ATP5F1C: variants seen among roughly 807,000 people sequenced by gnomAD.
ATP5F1C encodes the protein ATP synthase F(1) complex subunit gamma, mitochondrial.
Under a neutral mutation model 37.4 loss-of-function variants are expected in ATP5F1C, and 22 were observed. The ratio of observed to expected loss-of-function variants is 0.59; its 90% CI spans 0.42 to 0.84. ATP5F1C has a LOEUF of 0.84. ATP5F1C is among the 40% of genes least tolerant of loss of function. ATP5F1C has a pLI of 0.00. For synonymous variants in ATP5F1C, 121 were observed against 128.0 expected, an observed-to-expected ratio of 0.95 and a Z score of 0.37; for missense variants, 286 against 362.4, an observed-to-expected ratio of 0.79 and a Z score of 1.71.
At chr10:7,799,713 G>C (rs921281596) in intron 4 of ATP5F1C, 59 bp from the exon 5 acceptor site, 2 of 1,592,230 alleles carry the variant, frequency 1.3e-6, no homozygotes, top group Admixed American at 3.5e-5. Context: ...CCTGTCCCCT[G>C]TGCTCTTTCA....
Position 7,807,741 on chromosome 10 carries a change from GA to G in ATP5F1C, c.*115del. ...CGAAGAAACTGTTCCTCCATTATTTGAATTACTGAAGACAGCAAGATATTTG... is the reference window on the plus strand; with the variant it reads ...CGAAGAAACTGTTCCTCCATTATTTGATTACTGAAGACAGCAAGATATTTG... On this transcript the variant is annotated 3_prime_UTR_variant, in exon 10 of 10. Coordinates refer to ENST00000356708, the MANE Select transcript of ATP5F1C (RefSeq NM_001001973.3). 2 of 1,468,170 alleles carry G rather than the reference GA, an allele frequency of 1.4e-6. No individual in the cohort carries two copies. Among genetic ancestry groups the G allele is most frequent in the Admixed American group, 3.8e-5 (2 of 52,314 alleles). 90.9% of individuals were successfully genotyped at this position (1,468,170 alleles called of 1,614,324 possible).
At position 7,807,698 on chromosome 10, in the gene ATP5F1C, C is replaced by T; in HGVS notation, c.*70C>T. On this transcript the variant is annotated 3_prime_UTR_variant, in exon 10 of 10. Coordinates refer to ENST00000356708, the MANE Select transcript of ATP5F1C (RefSeq NM_001001973.3). The stretch of plus-strand genomic sequence containing the variant: ...TTCAGCCAGTTGATTTTGTTTTTAG[C>T]TTACTGCTGCCTTTGTCCGAAGAAA... 1.2e-6 allele frequency: 2 copies of T among 1,603,900 alleles called. No individual in the cohort carries two copies. The highest frequency in any genetic ancestry group is 1.7e-6 in the Non-Finnish European group (2 of 1,173,904).
At chr10:7,790,333 G>T (rs1836143149) in intron 1 of ATP5F1C, among the ~76,000 whole-genome samples, 1 of 152,112 alleles carries the variant, frequency 6.6e-6, no homozygotes, top group Non-Finnish European at 1.5e-5. Context: ...ATTCACAGTG[G>T]TTATTTTAAT....
In ATP5F1C at chr10:7,796,119, A is replaced by G; in HGVS notation, c.57-2A>G. 6.3e-7 allele frequency: 1 copy of G among 1,591,184 alleles called. No individual in the cohort carries two copies. Among genetic ancestry groups the G allele is most frequent in the South Asian group, 1.2e-5 (1 of 85,480 alleles). On this transcript the variant is annotated splice_acceptor_variant, in intron 1 of 9. Transcript: ENST00000356708. LOFTEE classifies it high-confidence loss of function. ...AAACATTTTTAAAACTTTTATCCTC[A>G]GGATTCAAGTTCGAAATATGGCAAC...
Position 7,802,437 on chromosome 10 carries a change from G to C in ATP5F1C, c.793+12G>C, listed in dbSNP as rs1836387372. The C allele has an allele frequency of 6.2e-7, 1 of 1,605,356 alleles. No individual in the cohort carries two copies. The highest frequency in any genetic ancestry group is 8.5e-7 in the Non-Finnish European group (1 of 1,176,494). ...CAGCAAGAATGCTTGTAAGTACACA[G>C]TATGGACAGTGCCAGCAGGAGTGCT... On this transcript the variant is annotated intron_variant, in intron 7 of 9. Transcript: ENST00000356708.
At chr10:7,795,560 A>G (rs1450565541) in intron 1 of ATP5F1C, among the ~76,000 whole-genome samples, 1 of 152,256 alleles carries the variant, frequency 6.6e-6, no homozygotes, top group Non-Finnish European at 1.5e-5. Flanking sequence ...TTTACAAGGT[A>G]ACAATATGTC....
intron 1 of ATP5F1C, among the ~76,000 whole-genome samples, chr10:7,789,196 C>CT (rs1365700513): frequency 6.6e-6 from 1 of 152,086 alleles, no homozygotes; most frequent in Admixed American, 6.5e-5. Flanking sequence ...AGACACGCTG[C>CT]TAAGGGGATT....
intron 8 of ATP5F1C, among the ~76,000 whole-genome samples, chr10:7,805,158 C>T (rs1340796630): frequency 6.6e-6 from 1 of 152,244 alleles, no homozygotes; most frequent in African/African-American, 2.4e-5. Flanking sequence ...TTAGGATACT[C>T]TCTCTGTTAC....
intron 4 of ATP5F1C, 138 bp downstream of exon 4, chr10:7,799,332 G>A (rs1836306163): frequency 2.8e-6 from 2 of 721,838 alleles, no homozygotes; most frequent in Non-Finnish European, 4.5e-6. Flanking sequence ...ATATTCACAA[G>A]GGGGTGTTTG....
intron 1 of ATP5F1C, among the ~76,000 whole-genome samples, chr10:7,790,522 G>GT (rs898652799): frequency 5.9e-5 from 9 of 152,302 alleles, no homozygotes; most frequent in African/African-American, 2.2e-4. Context: ...AAATGGAACT[G>GT]TTTTTTAATA....
intron 1 of ATP5F1C, among the ~76,000 whole-genome samples, chr10:7,789,628 C>T (rs1588494704): frequency 6.6e-6 from 1 of 152,308 alleles, no homozygotes; most frequent in East Asian, 1.9e-4. Context: ...GATAAGGTCT[C>T]AGTCAGTTTC....
Position 7,788,257 on chromosome 10 carries a change from C to A in ATP5F1C, c.50C>A (p.Pro17Gln). 4 of 1,613,412 alleles carry A rather than the reference C, an allele frequency of 2.5e-6. No homozygotes were observed. The highest frequency in any genetic ancestry group is 2.2e-5 in the East Asian group (1 of 44,860). The change falls in exon 1 of 10, where the codon CCG (proline) becomes CAG (glutamine). Residue 17 changes from proline (P) to glutamine (Q), a missense_variant. Physicochemically the swap from Pro to Gln is moderately conservative, Grantham distance 76. Transcript: ENST00000356708. ...VAGLSAWTLQ[P>Q]QWIQVRNMAT... ...GGGCTGTCGGCCTGGACCTTGCAGC[C>A]GCAATGGTATGGCAGCTTGCGGGAA... is the stretch of plus-strand genomic sequence containing the variant.
At chr10:7,802,967 C>T (rs1222383630) in intron 8 of ATP5F1C, 113 bp downstream of exon 8, 2 of 778,776 alleles carry the variant, frequency 2.6e-6, no homozygotes, top group Admixed American at 5.7e-5. Flanking sequence ...AAACTCATTG[C>T]TGAAACTTGC....
At chr10:7,792,965 C>G (rs1449584364) in intron 1 of ATP5F1C, among the ~76,000 whole-genome samples, 1 of 152,216 alleles carries the variant, frequency 6.6e-6, no homozygotes, top group Non-Finnish European at 1.5e-5. Flanking sequence ...GTTCCTTTTG[C>G]TCCACATCCT....
rs190269428 is a variant in ATP5F1C at position 7,797,308 on chromosome 10, C to G, written c.223+130C>G. The G allele has an allele frequency of 9.7e-5, 113 of 1,160,304 alleles. No individual in the cohort carries two copies. The East Asian group carries it at 2.8e-3, about 29-fold the overall frequency. The allele number at this position is 1,160,304 out of a possible 1,614,324, so 71.9% of individuals were successfully genotyped here. On this transcript the variant is annotated intron_variant, in intron 3 of 9. Transcript: ENST00000356708. ...CACTTGCCATGTACTTATTTTTCAT[C>G]TACATCCACTTGACACGTAATGATA...
chr10:7,796,786 G>T (rs1022739976), intron 2 of ATP5F1C: 1 of 234,580 alleles, frequency 4.3e-6, no homozygotes, highest in Non-Finnish European at 8.3e-6. Context: ...GGGTTTCACC[G>T]TGTTAGCCAA....
intron 6 of ATP5F1C, among the ~76,000 whole-genome samples, chr10:7,800,916 A>G (rs1836352282): frequency 1.3e-5 from 2 of 152,224 alleles, no homozygotes; most frequent in East Asian, 1.9e-4. Context: ...ATTGAGGTTC[A>G]TCATTAGATT....
At chr10:7,807,188 AGT>A (rs1836498849) in intron 9 of ATP5F1C, among the ~76,000 whole-genome samples, 178 bp downstream of exon 9, 2 of 152,296 alleles carry the variant, frequency 1.3e-5, no homozygotes, top group Non-Finnish European at 2.9e-5. Context: ...TTTTGTAGTG[AGT>A]GTGTTGATCA....
chr10:7,793,375 G>A (rs1191913180), intron 1 of ATP5F1C, among the ~76,000 whole-genome samples: 2 of 152,230 alleles, frequency 1.3e-5, no homozygotes, highest in Admixed American at 6.5e-5. Flanking sequence ...GCCTCCCAAA[G>A]TGCTGGGATT....
Sources: allele counts gnomAD v4.1 joint callset (sites outside exome capture counted in the v4.1 genomes callset), GRCh38; gene constraint gnomAD v4.1.1; transcripts MANE v1.5; gene names NCBI Gene and HGNC (gene_info 2026-07-23, HGNC 2026-07-21).